Variants in ATP11A observed in about 807,000 individuals in gnomAD.
ATP11A encodes the protein phospholipid-transporting ATPase IH.
In ATP11A, 81 loss-of-function variants were observed where a neutral mutation model predicts 154.4. The ratio of observed to expected loss-of-function variants is 0.52; its 90% CI spans 0.44 to 0.63. The LOEUF (loss-of-function observed/expected upper bound fraction) is 0.63, where lower values mean the gene tolerates loss of function less well. Ranked by LOEUF, ATP11A falls within the 30% of genes least tolerant of loss-of-function variation. ATP11A has a pLI of 0.00. For missense variants in ATP11A, 1,316 were observed against 1,474.3 expected, an observed-to-expected ratio of 0.89 and a Z score of 1.76; for synonymous variants, 623 against 585.9, an observed-to-expected ratio of 1.06 and a Z score of -0.91.
At chr13:112,761,629 G>A (rs1387169985) in intron 1 of ATP11A, among the ~76,000 whole-genome samples, 1 of 136,864 alleles carries the variant, frequency 7.3e-6, no homozygotes, top group Non-Finnish European at 1.6e-5. Flanking sequence ...TCGGATTCAG[G>A]AGTCCCCTGG....
intron 2 of ATP11A, among the ~76,000 whole-genome samples, chr13:112,789,438 C>T (rs768107195): frequency 4.1e-5 from 6 of 145,778 alleles, no homozygotes; most frequent in East Asian, 4.0e-4. Context: ...TAATTCACAC[C>T]GGTATCCTGA....
intron 1 of ATP11A, among the ~76,000 whole-genome samples, chr13:112,707,359 G>A (rs1020216828): frequency 1.3e-5 from 2 of 149,596 alleles, no homozygotes; most frequent in Admixed American, 6.7e-5. Flanking sequence ...AGGTTGCAGT[G>A]AGCTAAGATC....
intron 2 of ATP11A, among the ~76,000 whole-genome samples, chr13:112,788,255 G>A (rs1448153046): frequency 6.7e-6 from 1 of 148,854 alleles, no homozygotes; most frequent in Non-Finnish European, 1.5e-5. Flanking sequence ...CTCCTGTGGA[G>A]ACCTACTTAA....
chr13:112,826,988 G>A, intron 12 of ATP11A, 97 bp downstream of exon 12: 3 of 1,287,242 alleles, frequency 2.3e-6, no homozygotes, highest in Non-Finnish European at 3.3e-6. Context: ...GAGCGTGGCT[G>A]TACCTGTAGC....
At chr13:112,854,850 C>T (rs1217986653) in intron 19 of ATP11A, among the ~76,000 whole-genome samples, 1 of 152,214 alleles carries the variant, frequency 6.6e-6, no homozygotes, top group Non-Finnish European at 1.5e-5. Flanking sequence ...GTTTCTGAGA[C>T]TTAGGGGCTC....
At chr13:112,796,365 A>G (rs1384524528) in intron 2 of ATP11A, among the ~76,000 whole-genome samples, 1 of 152,206 alleles carries the variant, frequency 6.6e-6, no homozygotes, top group East Asian at 1.9e-4. Flanking sequence ...AACAGCTGAC[A>G]TTAAAATAGG....
At chr13:112,863,108 CAG>C (rs1443337641) in intron 25 of ATP11A, among the ~76,000 whole-genome samples, 1 of 146,204 alleles carries the variant, frequency 6.8e-6, no homozygotes, top group East Asian at 2.0e-4. Flanking sequence ...GTAGCACATG[CAG>C]TTTCCCAGCG....
rs577257992 is a variant in ATP11A at position 112,754,262 on chromosome 13, C to G, written c.40-30873C>G. Among the ~76,000 whole-genome samples, 2 of 152,298 alleles carry G rather than the reference C, an allele frequency of 1.3e-5. No homozygotes were observed. Among genetic ancestry groups the G allele is most frequent in the East Asian group, 3.9e-4 (2 of 5,174 alleles). On this transcript the variant is annotated intron_variant, in intron 1 of 29. Transcript: ENST00000375645. This position sits in a 1 kb window ranked among gnomAD's most constrained non-coding sequence, Gnocchi z 5.3. ...CCGGGTTCTCACTGGCGGGACTGTT[C>G]ACCTCTGCAATCTGCCCCTTAGTGC...
At position 112,697,990 on chromosome 13, in the gene ATP11A, A is replaced by G. The variant is rs1886078236; in HGVS notation, c.39+7535A>G. Among the ~76,000 whole-genome samples, 1 of 151,950 alleles carries G rather than the reference A, an allele frequency of 6.6e-6. No individual in the cohort carries two copies. The highest frequency in any genetic ancestry group is 1.5e-5 in the Non-Finnish European group (1 of 67,972). ...TTGCTTTCCAGGCAGGCATTTCCCA[A>G]TTTTGTTAGATTCTCAAGGGAGCCC... is the stretch of plus-strand genomic sequence containing the variant. On this transcript the variant is annotated intron_variant, in intron 1 of 29. Coordinates refer to ENST00000375645, the MANE Select transcript of ATP11A (RefSeq NM_015205.3). The surrounding 1 kb of genome is among the most constrained non-coding windows in gnomAD (Gnocchi z 4.0).
chr13:112,793,441 G>A (rs112050382), intron 2 of ATP11A, among the ~76,000 whole-genome samples: 2 of 152,352 alleles, frequency 1.3e-5, no homozygotes, highest in African/African-American at 4.8e-5. Context: ...GACCTCAGGT[G>A]ATTCACCCGC....
chr13:112,834,981 C>T (rs1257283564), intron 15 of ATP11A, among the ~76,000 whole-genome samples: 20 of 152,232 alleles, frequency 1.3e-4, no homozygotes, highest in African/African-American at 3.9e-4. Context: ...TGCTGCAGGC[C>T]GCGTTCTGAC....
intron 1 of ATP11A, among the ~76,000 whole-genome samples, chr13:112,765,775 A>G (rs1338677619): frequency 1.3e-5 from 2 of 152,246 alleles, no homozygotes; most frequent in African/African-American, 2.4e-5. Flanking sequence ...AGCCTGCTAC[A>G]GTGGATCTGA....
At chr13:112,734,423 A>G (rs1387667026) in intron 1 of ATP11A, among the ~76,000 whole-genome samples, 1 of 152,156 alleles carries the variant, frequency 6.6e-6, no homozygotes, top group Non-Finnish European at 1.5e-5. Context: ...AAAGTTTAAG[A>G]CAGGAGTGAA....
At position 112,753,574 on chromosome 13, in the gene ATP11A, G is replaced by A. The variant is rs935920071; in HGVS notation, c.40-31561G>A. The stretch of plus-strand genomic sequence containing the variant: ...AGGCAGGTTGAGAATCTTTTTATGT[G>A]TTTAAGTCCATTTGCTGTTCTTTTC... On this transcript the variant is annotated intron_variant, in intron 1 of 29. Coordinates refer to ENST00000375645, the MANE Select transcript of ATP11A (RefSeq NM_015205.3). This position sits in a 1 kb window ranked among gnomAD's most constrained non-coding sequence, Gnocchi z 4.1. Among the ~76,000 whole-genome samples, 5 of 152,154 alleles carry A rather than the reference G, an allele frequency of 3.3e-5. No individual in the cohort carries two copies. Among genetic ancestry groups the A allele is most frequent in the African/African-American group, 1.2e-4 (5 of 41,424 alleles).
intron 1 of ATP11A, among the ~76,000 whole-genome samples, chr13:112,777,500 G>T (rs9796248): frequency 3.3e-5 from 5 of 152,172 alleles, no homozygotes; most frequent in Admixed American, 6.5e-5. Context: ...GGAGGCGAAG[G>T]TTGCAGTGTG....
chr13:112,823,291 C>A, intron 8 of ATP11A, 54 bp from the exon 9 acceptor site: 1 of 1,438,410 alleles, frequency 7.0e-7, no homozygotes, highest in Non-Finnish European at 9.8e-7. Flanking sequence ...TTGCCCCCCG[C>A]CCTGCCCACT....
chr13:112,816,330 G>T, intron 6 of ATP11A, 119 bp downstream of exon 6: 11 of 1,298,432 alleles, frequency 8.5e-6, no homozygotes. Context: ...ATGTAACCCA[G>T]GGAGTTACAC....
intron 8 of ATP11A, 123 bp downstream of exon 8, chr13:112,820,073 T>C: frequency 1.1e-6 from 1 of 946,506 alleles, no homozygotes; most frequent in Non-Finnish European, 1.5e-6. Flanking sequence ...GGAGTTCCGC[T>C]TTCCCACAGG....
In ATP11A at chr13:112,838,446, C is replaced by G. The variant is rs1338853738; in HGVS notation, c.1705+2195C>G. Among the ~76,000 whole-genome samples the G allele has an allele frequency of 6.6e-6, 1 of 152,150 alleles. No individual in the cohort carries two copies. The highest frequency in any genetic ancestry group is 1.9e-4 in the East Asian group (1 of 5,180). On this transcript the variant is annotated intron_variant, in intron 16 of 29. Coordinates refer to ENST00000375645, the MANE Select transcript of ATP11A (RefSeq NM_015205.3). The surrounding 1 kb of genome is among the most constrained non-coding windows in gnomAD (Gnocchi z 7.3). ...CGTGGCTGGAACATGCTGCCCGTGA[C>G]CTGCGGGGCTGACCACGGTGCCCAA...
Sources: gnomAD v4.1 joint callset for allele counts (sites outside exome capture counted in the v4.1 genomes callset) on GRCh38, gnomAD v4.1.1 for gene constraint, Gnocchi (gnomAD v3.1) non-coding constraint, MANE v1.5 for transcripts, NCBI Gene and HGNC (gene_info 2026-07-23, HGNC 2026-07-21) for gene names.